NEK1: variants seen among roughly 807,000 people sequenced by gnomAD.
The protein encoded by NEK1 is NIMA related kinase 1.
In NEK1, 137 loss-of-function variants were observed where a neutral mutation model predicts 182.1. The observed-to-expected ratio is 0.75, with a 90% CI of 0.65 to 0.87. The LOEUF (loss-of-function observed/expected upper bound fraction) is 0.87. Among genes scored for constraint, NEK1 ranks in the 40% least tolerant of loss-of-function variants. The pLI, the probability that NEK1 is intolerant of heterozygous loss-of-function variation, is 0.00. For synonymous variants in NEK1, 513 were observed against 492.2 expected, an observed-to-expected ratio of 1.04 and a Z score of -0.56; for missense variants, 1,391 against 1,494.4, an observed-to-expected ratio of 0.93 and a Z score of 1.14.
At chr4:169,431,697 G>A (rs1266612968) in intron 29 of NEK1, among the ~76,000 whole-genome samples, 4 of 151,940 alleles carry the variant, frequency 2.6e-5, no homozygotes, top group Non-Finnish European at 5.9e-5. Flanking sequence ...GGGAGGCCAA[G>A]GCGGGAGGAT....
At position 169,490,660 on chromosome 4, in the gene NEK1, G is replaced by A. The variant is rs77418126; in HGVS notation, c.2008-11126C>T. On this transcript the variant is annotated intron_variant, in intron 23 of 35. Transcript: ENST00000507142. ...AGAACCAAACAGAAATCTTGGGGCT[G>A]AAGAATTCAATGAATGAAATTGTTA... 9.6e-3 allele frequency among the ~76,000 whole-genome samples: 1,458 copies of A among 152,064 alleles called. 16 individuals are homozygous for A. Among genetic ancestry groups the A allele is most frequent in the African/African-American group, 0.033 (1,381 of 41,466 alleles).
chr4:169,580,523 A>G (rs996353891), intron 11 of NEK1, among the ~76,000 whole-genome samples: 2 of 148,934 alleles, frequency 1.3e-5, no homozygotes, highest in Non-Finnish European at 3.0e-5. Context: ...AAAAGATAAT[A>G]TTTTATATAA....
intron 12 of NEK1, among the ~76,000 whole-genome samples, chr4:169,575,604 T>C (rs764628568): frequency 2.2e-4 from 33 of 152,192 alleles, no homozygotes; most frequent in Non-Finnish European, 4.4e-4. Context: ...TAAGTTCCAC[T>C]GGCACCCCAG....
At position 169,571,376 on chromosome 4, in the gene NEK1, T is replaced by C. The variant is rs1338616212; in HGVS notation, c.1020+5552A>G. Among the ~76,000 whole-genome samples the C allele has an allele frequency of 2.6e-5, 4 of 152,192 alleles. No homozygotes were observed. In the South Asian group the frequency reaches 8.3e-4, roughly 32 times the overall value. ...CCTACCCTCATGAATTTCTGCACTG[T>C]AGTGGAGGAAACTGGTAATAAACTA... On this transcript the variant is annotated intron_variant, in intron 12 of 35. Transcript: ENST00000507142.
At chr4:169,579,632 AC>A (rs1766272645) in intron 11 of NEK1, among the ~76,000 whole-genome samples, 1 of 152,116 alleles carries the variant, frequency 6.6e-6, no homozygotes, top group African/African-American at 2.4e-5. Flanking sequence ...CTACTAAAAT[AC>A]AAAAAATTAG....
intron 23 of NEK1, among the ~76,000 whole-genome samples, chr4:169,490,305 G>C (rs955376712): frequency 6.6e-6 from 1 of 152,010 alleles, no homozygotes; most frequent in Non-Finnish European, 1.5e-5. Flanking sequence ...CTGCTCAACT[G>C]ACCCCCTAGC....
intron 29 of NEK1, among the ~76,000 whole-genome samples, chr4:169,426,591 A>G (rs947832360): frequency 6.6e-6 from 1 of 152,224 alleles, no homozygotes; most frequent in Non-Finnish European, 1.5e-5. Context: ...ACGCCCAGCA[A>G]TTAGTTGGGA....
At chr4:169,436,363 A>G (rs753250740) in intron 28 of NEK1, among the ~76,000 whole-genome samples, 1 of 151,962 alleles carries the variant, frequency 6.6e-6, no homozygotes, top group Non-Finnish European at 1.5e-5. Context: ...AAGGGCTTCA[A>G]TGACATTGTT....
intron 29 of NEK1, among the ~76,000 whole-genome samples, chr4:169,428,351 G>GATATATATATAT (rs60550267): frequency 0.12 from 11,554 of 92,858 alleles, 1,106 homozygotes; most frequent in South Asian, 0.17. Context: ...AAATATATGG[G>GATATATATATAT]ATATATATAT....
At chr4:169,413,802 A>G (rs1389423952) in intron 31 of NEK1, among the ~76,000 whole-genome samples, 26 of 152,200 alleles carry the variant, frequency 1.7e-4, no homozygotes, top group Non-Finnish European at 4.4e-5. Context: ...AGATCGCTTG[A>G]GGTCAGGAGT....
At chr4:169,607,897 A>G (rs1406722405) in intron 2 of NEK1, among the ~76,000 whole-genome samples, 1 of 152,204 alleles carries the variant, frequency 6.6e-6, no homozygotes, top group Non-Finnish European at 1.5e-5. Flanking sequence ...ATGAACCAAT[A>G]GAAAATATTC....
chr4:169,501,810 A>G (rs940956009), intron 23 of NEK1, among the ~76,000 whole-genome samples: 10 of 152,166 alleles, frequency 6.6e-5, no homozygotes, highest in African/African-American at 2.4e-4. Flanking sequence ...AAAGATCTCA[A>G]ATTAACAACC....
At chr4:169,440,891 A>C (rs2149434360) in intron 27 of NEK1, among the ~76,000 whole-genome samples, 1 of 152,326 alleles carries the variant, frequency 6.6e-6, no homozygotes, top group African/African-American at 2.4e-5. Context: ...CTGAGACCCA[A>C]GCAGCTGCAA....
At chr4:169,587,676 C>G in intron 8 of NEK1, 63 bp from the exon 9 acceptor site, 1 of 990,054 alleles carries the variant, frequency 1.0e-6, no homozygotes, top group South Asian at 1.6e-5. Context: ...TTAAAGGAAA[C>G]ACAAACAGCA....
intron 19 of NEK1, 106 bp from the exon 20 acceptor site, chr4:169,508,958 C>T: frequency 2.4e-6 from 2 of 837,910 alleles, no homozygotes; most frequent in Non-Finnish European, 1.8e-6. Context: ...AAATACTGAC[C>T]ATTTATTGAT....
chr4:169,398,763 T>C (rs180769114), intron 35 of NEK1, among the ~76,000 whole-genome samples: 1 of 152,324 alleles, frequency 6.6e-6, no homozygotes, highest in Admixed American at 6.5e-5. Context: ...CTTTTTTGTA[T>C]GAATATGCAA....
intron 31 of NEK1, among the ~76,000 whole-genome samples, chr4:169,418,950 G>A (rs956661963): frequency 6.6e-6 from 1 of 152,016 alleles, no homozygotes; most frequent in Non-Finnish European, 1.5e-5. Context: ...TACAGCATTG[G>A]TCCCATAAGA....
chr4:169,429,096 C>T (rs34062446), intron 29 of NEK1, among the ~76,000 whole-genome samples: 6,238 of 151,822 alleles, frequency 0.041, 168 homozygotes, highest in African/African-American at 0.063. Context: ...CCCGTGTACA[C>T]AGAGGGCTGG....
chr4:169,531,955 A>G (rs1255565788), intron 19 of NEK1, among the ~76,000 whole-genome samples: 1 of 152,228 alleles, frequency 6.6e-6, no homozygotes, highest in Non-Finnish European at 1.5e-5. Context: ...CTTAGGAATA[A>G]AAAACAACTA....
Sources: gnomAD v4.1 joint callset for allele counts (sites outside exome capture counted in the v4.1 genomes callset) on GRCh38, gnomAD v4.1.1 for gene constraint, MANE v1.5 for transcripts, NCBI Gene and HGNC (gene_info 2026-07-23, HGNC 2026-07-21) for gene names.